The following HAO1 variants were observed in gnomAD, a reference collection of about 807,000 sequenced individuals.
HAO1 encodes the protein hydroxyacid oxidase 1.
In HAO1, 34 loss-of-function variants were observed where a neutral mutation model predicts 39.7. The observed-to-expected ratio is 0.86, with a 90% confidence interval of 0.65 to 1.14. The LOEUF (loss-of-function observed/expected upper bound fraction) is 1.14. Ranked by LOEUF, HAO1 falls within the 50% of genes most tolerant of loss-of-function variation. The pLI, the probability that HAO1 is intolerant of heterozygous loss-of-function variation, is 0.00. For missense variants in HAO1, 479 were observed against 464.5 expected (o/e 1.03, Z -0.29); for synonymous variants, 172 against 173.2 (o/e 0.99, Z 0.05).
Position 7,883,565 on chromosome 20 carries a change from A to T in HAO1, c.*28T>A, listed in dbSNP as rs2122743206. 1 of 1,566,642 alleles carries T rather than the reference A, an allele frequency of 6.4e-7. No individual in the cohort carries two copies. Among genetic ancestry groups the T allele is most frequent in the Non-Finnish European group, 8.8e-7 (1 of 1,136,824 alleles). ...CAAGTAATACATGCTGAAAAAAAAT[A>T]ATACAGATGGGAAAATATTGTGCAC... On this transcript the variant is annotated 3_prime_UTR_variant, in exon 8 of 8. Transcript: ENST00000378789.
At chr20:7,914,515 C>A in intron 2 of HAO1, 96 bp from the exon 3 acceptor site, 1 of 1,319,478 alleles carries the variant, frequency 7.6e-7, no homozygotes, top group South Asian at 1.4e-5. Flanking sequence ...TCTAGAAGGG[C>A]AATTTGGCAA....
At chr20:7,906,587 G>GAAA (rs145585970) in intron 3 of HAO1, among the ~76,000 whole-genome samples, 3 of 150,364 alleles carry the variant, frequency 2.0e-5, no homozygotes, top group South Asian at 2.1e-4. Context: ...TCTGTTTCAA[G>GAAA]AAAAAAAAAT....
At chr20:7,915,126 A>C (rs1286010450) in intron 2 of HAO1, among the ~76,000 whole-genome samples, 1 of 150,626 alleles carries the variant, frequency 6.6e-6, no homozygotes, top group Non-Finnish European at 1.5e-5. Flanking sequence ...ATCTCAAAAA[A>C]AAATAATATT....
intron 5 of HAO1, among the ~76,000 whole-genome samples, chr20:7,893,042 T>G (rs914527170): frequency 1.3e-5 from 2 of 152,144 alleles, no homozygotes; most frequent in Non-Finnish European, 2.9e-5. Flanking sequence ...CTGCCTCTTG[T>G]CATGACAAAA....
At chr20:7,910,535 A>C (rs1312437156) in intron 3 of HAO1, among the ~76,000 whole-genome samples, 1 of 152,116 alleles carries the variant, frequency 6.6e-6, no homozygotes, top group Non-Finnish European at 1.5e-5. Flanking sequence ...CAGCTTCTAG[A>C]TACCCCCTGC....
intron 2 of HAO1, among the ~76,000 whole-genome samples, chr20:7,934,016 G>C (rs2050398337): frequency 6.6e-5 from 10 of 152,148 alleles, no homozygotes; most frequent in Admixed American, 6.5e-4. Flanking sequence ...CTTTGGTTTG[G>C]GGGAAGCAGG....
intron 4 of HAO1, among the ~76,000 whole-genome samples, chr20:7,905,941 T>C (rs1387329281): frequency 6.6e-6 from 1 of 152,226 alleles, no homozygotes; most frequent in African/African-American, 2.4e-5. Context: ...AAAGCTCACT[T>C]TGTGCTTCAT....
intron 3 of HAO1, among the ~76,000 whole-genome samples, chr20:7,913,375 T>C (rs937660079): frequency 4.6e-5 from 7 of 152,126 alleles, no homozygotes; most frequent in African/African-American, 1.7e-4. Context: ...ACATTATACA[T>C]TCATATGAAA....
intron 2 of HAO1, among the ~76,000 whole-genome samples, chr20:7,928,069 G>C (rs1001657422): frequency 6.6e-6 from 1 of 152,194 alleles, no homozygotes. Context: ...ACAAGACTTT[G>C]AAGTATCACT....
chr20:7,910,869 A>T (rs1044501056), intron 3 of HAO1, among the ~76,000 whole-genome samples: 2 of 152,150 alleles, frequency 1.3e-5, no homozygotes, highest in African/African-American at 4.8e-5. Context: ...CAAGTCCTCC[A>T]CTGACCTCTC....
At chr20:7,890,701 C>T (rs1449521410) in intron 5 of HAO1, among the ~76,000 whole-genome samples, 2 of 152,128 alleles carry the variant, frequency 1.3e-5, no homozygotes, top group Non-Finnish European at 2.9e-5. Flanking sequence ...TTGCCACCCC[C>T]TATTCTTTCC....
chr20:7,902,278 C>T (rs563859871), intron 4 of HAO1, among the ~76,000 whole-genome samples: 22 of 152,236 alleles, frequency 1.4e-4, no homozygotes, highest in African/African-American at 2.4e-4. Flanking sequence ...AAAAGTTAAT[C>T]GATGCATCAA....
chr20:7,932,720 T>C (rs2122798572), intron 2 of HAO1, among the ~76,000 whole-genome samples: 1 of 152,292 alleles, frequency 6.6e-6, no homozygotes, highest in Admixed American at 6.5e-5. Flanking sequence ...ATCATATTTT[T>C]TGCAAACTAT....
intron 3 of HAO1, among the ~76,000 whole-genome samples, chr20:7,911,390 C>G (rs1262152870): frequency 1.3e-5 from 2 of 152,194 alleles, no homozygotes; most frequent in Non-Finnish European, 2.9e-5. Flanking sequence ...CTTTTCTTCT[C>G]TTTAAACTGC....
Position 7,883,534 on chromosome 20 carries a change from CTT to C in HAO1, c.*57_*58del. ...TGTGGTCACCCTCTGCACAGTGTCT[CTT>C]TGTCAAGTAATACATGCTGAAAAAA... On this transcript the variant is annotated 3_prime_UTR_variant, in exon 8 of 8. Coordinates refer to ENST00000378789, the MANE Select transcript of HAO1 (RefSeq NM_017545.3). 1 of 1,270,808 alleles carries C rather than the reference CTT, an allele frequency of 7.9e-7. No individual in the cohort carries two copies. The highest frequency in any genetic ancestry group is 1.7e-5 in the Admixed American group (1 of 59,522). The allele number at this position is 1,270,808 out of a possible 1,614,324, so 78.7% of individuals were successfully genotyped here.
intron 3 of HAO1, among the ~76,000 whole-genome samples, chr20:7,908,916 T>A (rs1448948251): frequency 6.6e-6 from 1 of 152,126 alleles, no homozygotes; most frequent in Non-Finnish European, 1.5e-5. Flanking sequence ...TAAATGATAA[T>A]AAATTCCAAG....
chr20:7,908,754 G>A (rs558544490), intron 3 of HAO1, among the ~76,000 whole-genome samples: 2 of 151,970 alleles, frequency 1.3e-5, no homozygotes, highest in African/African-American at 2.4e-5. Context: ...TGAAATGCCT[G>A]GTCTTTCTTT....
At chr20:7,923,842 C>T (rs935797352) in intron 2 of HAO1, among the ~76,000 whole-genome samples, 2 of 152,076 alleles carry the variant, frequency 1.3e-5, no homozygotes, top group African/African-American at 4.8e-5. Context: ...ACTTTGAGAA[C>T]CATGAGGTAG....
chr20:7,903,287 TA>T (rs2050229196), intron 4 of HAO1, among the ~76,000 whole-genome samples: 1 of 100,976 alleles, frequency 9.9e-6, no homozygotes, highest in African/African-American at 3.9e-5. Flanking sequence ...CATCTCTCCT[TA>T]TCTTTTTTTT....
Sources: gnomAD v4.1 joint callset for allele counts (sites outside exome capture counted in the v4.1 genomes callset) on GRCh38, gnomAD v4.1.1 for gene constraint, MANE v1.5 for transcripts, NCBI Gene and HGNC (gene_info 2026-07-23, HGNC 2026-07-21) for gene names.